The following CHL1 variants were observed in gnomAD, a reference collection of about 807,000 sequenced individuals.
CHL1 encodes the protein cell adhesion molecule L1 like, also known as neural cell adhesion molecule L1-like protein.
Under a neutral mutation model 141.9 loss-of-function variants are expected in CHL1, and 96 were observed. That is an observed-to-expected ratio of 0.68 (90% CI 0.57 to 0.80). The LOEUF (loss-of-function observed/expected upper bound fraction) is 0.80. CHL1 is among the 30% of genes least tolerant of loss of function. The probability of loss-of-function intolerance (pLI) is 0.00; values close to 1 mark genes in which losing one functional copy is unlikely to be tolerated. For missense variants in CHL1, 1,820 were observed against 1,457.2 expected, an observed-to-expected ratio of 1.25 and a Z score of -4.05; for synonymous variants, 613 against 502.2, an observed-to-expected ratio of 1.22 and a Z score of -2.95.
rs1701158874 is a variant in CHL1, at chr3:328,220, T to C, written c.251T>C (p.Ile84Thr). ...NPFYFTDHRI[I>T]PSNNSGTFRI... ...TTTTATTTCACTGACCATCGGATAA[T>C]TCCATCGAACAATTCAGGAACATTC... The change falls in exon 5 of 28, where the codon ATT (isoleucine) becomes ACT (threonine). Residue 84 changes from isoleucine (I) to threonine (T), a missense_variant. Ile to Thr is a moderately conservative substitution (Grantham distance 89). Coordinates refer to ENST00000256509, the MANE Select transcript of CHL1 (RefSeq NM_006614.4). The C allele has an allele frequency of 6.2e-7, 1 of 1,611,726 alleles. No individual in the cohort carries two copies. Among genetic ancestry groups the C allele is most frequent in the South Asian group, 1.1e-5 (1 of 90,794 alleles).
At chr3:369,016 G>A (rs1202431692) in intron 15 of CHL1, among the ~76,000 whole-genome samples, 1 of 152,198 alleles carries the variant, frequency 6.6e-6, no homozygotes, top group Non-Finnish European at 1.5e-5. Flanking sequence ...GTAGTTTGAA[G>A]TCAGGTAGCG....
At chr3:342,406 G>A (rs984956490) in intron 7 of CHL1, among the ~76,000 whole-genome samples, 1 of 152,174 alleles carries the variant, frequency 6.6e-6, no homozygotes, top group African/African-American at 2.4e-5. Flanking sequence ...GATTCACTGT[G>A]ATCTTGGATA....
intron 16 of CHL1, among the ~76,000 whole-genome samples, chr3:379,563 C>A (rs922713849): frequency 1.3e-5 from 2 of 152,156 alleles, no homozygotes; most frequent in African/African-American, 4.8e-5. Flanking sequence ...GTATTTTGAG[C>A]AGTCTCAGCC....
At position 196,773 on chromosome 3, in the gene CHL1, G is replaced by A. The variant is rs1698361710; in HGVS notation, c.-465G>A. Reference sequence around the variant, plus strand: ...GTGAGGGGTGGCGGCGCAGAACCCAGGAAGGGAGCAGAGGCGAGAGCCAGC... The same window carrying A: ...GTGAGGGGTGGCGGCGCAGAACCCAAGAAGGGAGCAGAGGCGAGAGCCAGC... On this transcript the variant is annotated 5_prime_UTR_variant, in exon 1 of 28. Transcript: ENST00000256509. 3 of 152,548 alleles carry A rather than the reference G, an allele frequency of 2.0e-5. No homozygotes were observed. The highest frequency in any genetic ancestry group is 1.9e-4 in the East Asian group (1 of 5,186). 9.4% of individuals were successfully genotyped at this position (152,548 alleles called of 1,614,324 possible).
At chr3:236,609 G>A (rs1692007888) in intron 1 of CHL1, among the ~76,000 whole-genome samples, 1 of 152,084 alleles carries the variant, frequency 6.6e-6, no homozygotes, top group East Asian at 1.9e-4. Context: ...TGTACGATTT[G>A]CCCTCAATTT....
intron 1 of CHL1, among the ~76,000 whole-genome samples, chr3:241,029 A>G (rs1343156790): frequency 6.6e-6 from 1 of 152,066 alleles, no homozygotes; most frequent in Non-Finnish European, 1.5e-5. Flanking sequence ...ATTATGTTTT[A>G]TTATGGTGCC....
intron 13 of CHL1, 132 bp from the exon 14 acceptor site, chr3:363,085 C>A: frequency 2.2e-5 from 15 of 666,834 alleles, no homozygotes; most frequent in South Asian, 1.3e-4. Flanking sequence ...AATATGAAAC[C>A]CACTGGAACA....
rs1389259968 is a variant in CHL1 at position 222,313 on chromosome 3, C to T, written c.-174-22300C>T. 2.0e-5 allele frequency among the ~76,000 whole-genome samples: 3 copies of T among 152,110 alleles called. No homozygotes were observed. In the East Asian group the frequency reaches 5.8e-4, roughly 29 times the overall value. On this transcript the variant is annotated intron_variant, in intron 1 of 27. Coordinates refer to ENST00000256509, the MANE Select transcript of CHL1 (RefSeq NM_006614.4). ...TCTAGAGGCCACTTGCACTCTAGCT[C>T]ACGGTCCTGTTGGAGCTCAGGGGAA... is the stretch of plus-strand genomic sequence containing the variant.
chr3:358,929 A>G (rs1193610809), intron 11 of CHL1, among the ~76,000 whole-genome samples: 7 of 149,122 alleles, frequency 4.7e-5, no homozygotes, highest in Admixed American at 4.0e-4. Flanking sequence ...ATTTCCAGCT[A>G]ACATGTTTTC....
At chr3:294,335 G>A (rs776980317) in intron 2 of CHL1, among the ~76,000 whole-genome samples, 18 of 152,034 alleles carry the variant, frequency 1.2e-4, no homozygotes, top group Non-Finnish European at 2.1e-4. Context: ...AAATAGGTAC[G>A]TACATACCTA....
chr3:328,112 C>A, intron 4 of CHL1, 55 bp from the exon 5 acceptor site: 1 of 1,387,328 alleles, frequency 7.2e-7, no homozygotes, highest in Admixed American at 2.0e-5. Context: ...TTAATAAGTA[C>A]TCTAAACATA....
intron 1 of CHL1, among the ~76,000 whole-genome samples, chr3:217,293 C>G (rs372657814): frequency 2.6e-5 from 4 of 152,146 alleles, no homozygotes; most frequent in South Asian, 2.1e-4. Flanking sequence ...GCATGTGTAG[C>G]TCTGATTCTA....
At chr3:295,065 T>C (rs190650948) in intron 2 of CHL1, among the ~76,000 whole-genome samples, 29 of 152,310 alleles carry the variant, frequency 1.9e-4, no homozygotes, top group African/African-American at 6.5e-4. Flanking sequence ...TCTTCCTTTG[T>C]TTCTTTTCTT....
intron 1 of CHL1, among the ~76,000 whole-genome samples, chr3:243,913 G>T (rs17012641): frequency 1.3e-5 from 2 of 152,080 alleles, no homozygotes; most frequent in South Asian, 4.1e-4. Flanking sequence ...ATAGAAAGTA[G>T]AGTTTTTTAA....
Position 308,858 on chromosome 3 carries a change from G to T in CHL1, c.-94-10825G>T. 4 of 164,402 alleles carry T rather than the reference G, an allele frequency of 2.4e-5. No individual in the cohort carries two copies. The South Asian group carries it at 5.6e-4, about 23-fold the overall frequency. The allele number at this position is 164,402 out of a possible 1,614,324, so 10.2% of individuals were successfully genotyped here. A position where few individuals can be genotyped will look rare whatever the true frequency, so the allele number is the denominator to read the frequency against. Reference sequence around the variant, plus strand: ...CCCTGCTGGAACTGCTCCTCCAGAAGACTGCTGTTTGCGGCATTCATTTTC... The same window carrying T: ...CCCTGCTGGAACTGCTCCTCCAGAATACTGCTGTTTGCGGCATTCATTTTC... On this transcript the variant is annotated intron_variant, in intron 2 of 27. Transcript: ENST00000256509.
intron 1 of CHL1, among the ~76,000 whole-genome samples, chr3:218,824 C>T (rs896857270): frequency 6.6e-5 from 10 of 152,252 alleles, no homozygotes; most frequent in Admixed American, 3.3e-4. Flanking sequence ...GATACCATTT[C>T]GCACCGGTCA....
chr3:304,325 C>G (rs1176152766), intron 2 of CHL1, among the ~76,000 whole-genome samples: 2 of 152,182 alleles, frequency 1.3e-5, no homozygotes, highest in African/African-American at 2.4e-5. Context: ...GGTACCAGCT[C>G]TTCTTTGTAC....
chr3:303,533 T>A (rs746298937), intron 2 of CHL1, among the ~76,000 whole-genome samples: 1 of 151,768 alleles, frequency 6.6e-6, no homozygotes, highest in African/African-American at 2.4e-5. Context: ...TTTGGCTCTC[T>A]GTTTGTTATT....
chr3:329,965 T>C (rs981669905), intron 5 of CHL1, among the ~76,000 whole-genome samples: 5 of 152,078 alleles, frequency 3.3e-5, no homozygotes, highest in African/African-American at 9.7e-5. Context: ...TCTTTTTCAT[T>C]ATTTGCTCAC....
Sources: gnomAD v4.1 joint callset for allele counts (sites outside exome capture counted in the v4.1 genomes callset) on GRCh38, gnomAD v4.1.1 for gene constraint, MANE v1.5 for transcripts, NCBI Gene and HGNC (gene_info 2026-07-23, HGNC 2026-07-21) for gene names.